The following SYNE2 variants were observed in gnomAD, a reference collection of about 807,000 sequenced individuals.
SYNE2 encodes the protein spectrin repeat containing nuclear envelope protein 2.
In SYNE2, 431 loss-of-function variants were observed where a neutral mutation model predicts 856.3. That is an observed-to-expected ratio of 0.50 (90% CI 0.47 to 0.55). The LOEUF (loss-of-function observed/expected upper bound fraction) is 0.55. Among genes scored for constraint, SYNE2 ranks in the 20% least tolerant of loss-of-function variants. The probability of loss-of-function intolerance (pLI) is 0.00; values close to 1 mark genes in which losing one functional copy is unlikely to be tolerated. For synonymous variants in SYNE2, 2,923 were observed against 2,872.3 expected, an observed-to-expected ratio of 1.02 and a Z score of -0.56; for missense variants, 8,129 against 8,023.2, an observed-to-expected ratio of 1.01 and a Z score of -0.50.
At chr14:63,832,708 T>C (rs1412045636) in intron 1 of SYNE2, among the ~76,000 whole-genome samples, 1 of 151,774 alleles carries the variant, frequency 6.6e-6, no homozygotes, top group Non-Finnish European at 1.5e-5. Context: ...ACTTAAAATA[T>C]ACCAAAGTAG....
intron 8 of SYNE2, among the ~76,000 whole-genome samples, chr14:63,958,996 C>G (rs902352294): frequency 1.3e-5 from 2 of 152,110 alleles, no homozygotes; most frequent in African/African-American, 4.8e-5. Flanking sequence ...TGTTTTTGAG[C>G]ATTTTCTTAC....
chr14:63,970,067 A>G (rs899719964), intron 11 of SYNE2, among the ~76,000 whole-genome samples: 3 of 152,214 alleles, frequency 2.0e-5, no homozygotes, highest in Admixed American at 1.3e-4. Context: ...CCAGTCTTCT[A>G]TGCTGACTGT....
At chr14:64,224,661 T>TC in intron 114 of SYNE2, 114 bp downstream of exon 114, 1 of 1,168,772 alleles carries the variant, frequency 8.6e-7, no homozygotes, top group African/African-American at 1.5e-5. Context: ...AGCACAGGTC[T>TC]CTGCTGACCC....
Position 64,177,472 on chromosome 14 carries a change from G to A in SYNE2, c.17545G>A (p.Glu5849Lys), listed in dbSNP as rs138433614. ...ELHEDLHNEKELIKELEQSLA... is the reference protein window; with the variant it reads ...ELHEDLHNEKKLIKELEQSLA... ...TCACGAGGACCTCCATAACGAAAAA[G>A]AGCTGATTAAGGTATTGAAATCCAA... Residue 5849 changes from glutamate to lysine, a missense_variant, in exon 96 of 116, where the codon GAG (glutamate) becomes AAG (lysine). Glu to Lys is a moderately conservative substitution (Grantham distance 56). Coordinates refer to ENST00000555002, the MANE Select transcript of SYNE2 (RefSeq NM_182914.3). The A allele has an allele frequency of 1.9e-6, 3 of 1,614,184 alleles. No individual in the cohort carries two copies. The highest frequency in any genetic ancestry group is 2.5e-6 in the Non-Finnish European group (3 of 1,180,028).
intron 1 of SYNE2, among the ~76,000 whole-genome samples, chr14:63,781,383 T>C (rs1469152589): frequency 6.6e-6 from 1 of 152,128 alleles, no homozygotes; most frequent in East Asian, 1.9e-4. Flanking sequence ...GAGATTTGCT[T>C]TCCACAGTAG....
intron 1 of SYNE2, among the ~76,000 whole-genome samples, chr14:63,790,237 T>TG (rs966524914): frequency 5.9e-5 from 9 of 151,298 alleles, no homozygotes; most frequent in Non-Finnish European, 4.4e-5. Context: ...GAGGTTCAGG[T>TG]GGGGGGATCA....
At chr14:63,936,077 G>A (rs140181888) in intron 2 of SYNE2, among the ~76,000 whole-genome samples, 4,712 of 152,138 alleles carry the variant, frequency 0.031, 255 homozygotes, top group African/African-American at 0.11. Flanking sequence ...GTTTCACCAT[G>A]TTGGCCACGC....
chr14:64,156,049 G>A (rs1485372879), intron 85 of SYNE2, among the ~76,000 whole-genome samples: 3 of 152,168 alleles, frequency 2.0e-5, no homozygotes, highest in Admixed American at 1.3e-4. Flanking sequence ...TAATACTGAT[G>A]CCTATACAAT....
chr14:63,857,238 AAGTT>A (rs1203637820), intron 1 of SYNE2, among the ~76,000 whole-genome samples: 1 of 152,126 alleles, frequency 6.6e-6, no homozygotes, highest in Non-Finnish European at 1.5e-5. Flanking sequence ...ATCATGTAGT[AAGTT>A]CTCTTCTTTG....
intron 1 of SYNE2, among the ~76,000 whole-genome samples, chr14:63,798,764 A>G (rs930040141): frequency 6.6e-6 from 1 of 152,040 alleles, no homozygotes; most frequent in Non-Finnish European, 1.5e-5. Flanking sequence ...ATATTATTTC[A>G]CTATTATCTC....
intron 100 of SYNE2, among the ~76,000 whole-genome samples, chr14:64,205,453 T>A (rs1220688892): frequency 3.3e-5 from 5 of 152,202 alleles, no homozygotes. Context: ...AACAACCACC[T>A]TACCTATGTT....
At chr14:64,041,584 C>T (rs2097148656) in intron 45 of SYNE2, among the ~76,000 whole-genome samples, 1 of 152,144 alleles carries the variant, frequency 6.6e-6, no homozygotes, top group African/African-American at 2.4e-5. Context: ...TGCTCTGGCT[C>T]ATGCCTGTAA....
chr14:63,796,747 G>A (rs1175260886), intron 1 of SYNE2, among the ~76,000 whole-genome samples: 1 of 151,500 alleles, frequency 6.6e-6, no homozygotes, highest in Non-Finnish European at 1.5e-5. Context: ...TTTCAAGGCT[G>A]CAGAGCACTA....
chr14:63,965,532 G>C (rs567804459), intron 10 of SYNE2, among the ~76,000 whole-genome samples: 3 of 152,244 alleles, frequency 2.0e-5, no homozygotes, highest in Non-Finnish European at 2.9e-5. Context: ...CAAAGCAAAG[G>C]TTCCTCAGTC....
intron 96 of SYNE2, among the ~76,000 whole-genome samples, chr14:64,180,931 T>C (rs912440254): frequency 8.5e-5 from 13 of 152,258 alleles, no homozygotes; most frequent in African/African-American, 3.1e-4. Context: ...TGATTATTGC[T>C]GATGCCTAGA....
chr14:64,214,087 A>G, intron 105 of SYNE2, 107 bp from the exon 106 acceptor site: 1 of 1,525,270 alleles, frequency 6.6e-7, no homozygotes, highest in Non-Finnish European at 9.0e-7. Flanking sequence ...TAGAAATACT[A>G]TTGGCAGTTA....
chr14:63,953,551 T>G (rs1017291986), intron 7 of SYNE2, among the ~76,000 whole-genome samples: 38 of 151,974 alleles, frequency 2.5e-4, no homozygotes, highest in South Asian at 1.2e-3. Context: ...GAGAGATAGA[T>G]AGATAGATAG....
intron 1 of SYNE2, among the ~76,000 whole-genome samples, chr14:63,900,601 A>G (rs2095324569): frequency 6.6e-6 from 1 of 152,134 alleles, no homozygotes. Flanking sequence ...ATTCAGGATG[A>G]GATTTGGGTG....
rs747393237 is a variant in SYNE2 at position 64,134,197 on chromosome 14, C to T, written c.14643C>T (p.Tyr4881=). Residue 4881 remains tyrosine, a synonymous_variant, in exon 78 of 116, where the codon TAC becomes TAT. Coordinates refer to ENST00000555002, the MANE Select transcript of SYNE2 (RefSeq NM_182914.3). ...GATTAGTGGAAAGGATTTCATTTTACCAGGTATTTGTCTTCCATTTAAGTT... is the reference window on the plus strand; with the variant it reads ...GATTAGTGGAAAGGATTTCATTTTATCAGGTATTTGTCTTCCATTTAAGTT... ...EERLVERISF[Y]QQIKRNIGGK... is the part of the protein sequence containing the mutation. 30 of 1,613,854 alleles carry T rather than the reference C, an allele frequency of 1.9e-5. No individual in the cohort carries two copies. The highest frequency in any genetic ancestry group is 4.0e-5 in the African/African-American group (3 of 74,920).
Sources: gnomAD v4.1 joint callset for allele counts (sites outside exome capture counted in the v4.1 genomes callset) on GRCh38, gnomAD v4.1.1 for gene constraint, MANE v1.5 for transcripts, NCBI Gene and HGNC (gene_info 2026-07-23, HGNC 2026-07-21) for gene names.